The following NT5C2 variants were observed in gnomAD, a reference collection of about 807,000 sequenced individuals.
NT5C2 encodes cytosolic purine 5'-nucleotidase.
Under a neutral mutation model 76.1 loss-of-function variants are expected in NT5C2, and 58 were observed. The observed-to-expected ratio is 0.76, with a 90% CI of 0.62 to 0.95. The LOEUF (loss-of-function observed/expected upper bound fraction) is 0.95. Among genes scored for constraint, NT5C2 ranks in the 40% least tolerant of loss-of-function variants. The probability of loss-of-function intolerance (pLI) is 0.00; values close to 1 mark genes in which losing one functional copy is unlikely to be tolerated. For synonymous variants in NT5C2, 229 were observed against 237.4 expected (o/e 0.96, Z 0.32); for missense variants, 478 against 690.3 (o/e 0.69, Z 3.45).
At chr10:103,143,529 C>G (rs952574232) in intron 3 of NT5C2, among the ~76,000 whole-genome samples, 1 of 151,154 alleles carries the variant, frequency 6.6e-6, no homozygotes, top group Non-Finnish European at 1.5e-5. Flanking sequence ...CTCCCAGGCT[C>G]ATGTTATCCT....
chr10:103,091,394 G>A (rs898962927), intron 16 of NT5C2, among the ~76,000 whole-genome samples, 170 bp downstream of exon 16: 1 of 151,340 alleles, frequency 6.6e-6, no homozygotes, highest in South Asian at 2.1e-4. Flanking sequence ...CGCCCAGGCT[G>A]GAGTGCAATG....
intron 4 of NT5C2, among the ~76,000 whole-genome samples, chr10:103,128,348 G>A (rs1438267851): frequency 6.9e-6 from 1 of 144,652 alleles, no homozygotes; most frequent in African/African-American, 2.6e-5. Context: ...GATTGCAGAC[G>A]GAGTCTCCTT....
chr10:103,101,359 TA>T (rs1304840547), intron 6 of NT5C2, 33 bp from the exon 7 acceptor site: 1 of 1,169,160 alleles, frequency 8.6e-7, no homozygotes. Context: ...AACTGATTTT[TA>T]AAATAACATT....
At chr10:103,187,971 T>C (rs1198182598) in intron 1 of NT5C2, among the ~76,000 whole-genome samples, 1 of 152,226 alleles carries the variant, frequency 6.6e-6, no homozygotes. Context: ...AACAAAAGCA[T>C]GTCCTGTCCT....
intron 4 of NT5C2, among the ~76,000 whole-genome samples, chr10:103,120,199 A>G (rs1169866264): frequency 6.6e-6 from 1 of 152,168 alleles, no homozygotes; most frequent in East Asian, 1.9e-4. Flanking sequence ...AAAACATGGC[A>G]GAAAATCTTC....
chr10:103,091,528 G>A lies in NT5C2; in HGVS notation c.1211+36C>T, dbSNP rs10883830. ...TTTCTTATATCTAAGTGATTCCTGA[G>A]TAAGTTTTTGGGAAAGAAATTTTTA... On this transcript the variant is annotated intron_variant, in intron 16 of 18. Transcript: ENST00000404739. The A allele has an allele frequency of 0.3, 458,183 of 1,508,384 alleles. 71,359 individuals are homozygous for A. Among genetic ancestry groups the A allele is most frequent in the Middle Eastern group, 0.35 (1,928 of 5,588 alleles). The allele number at this position is 1,508,384 out of a possible 1,614,324, so 93.4% of individuals were successfully genotyped here.
At chr10:103,187,845 C>T (rs2092230699) in intron 1 of NT5C2, among the ~76,000 whole-genome samples, 1 of 152,070 alleles carries the variant, frequency 6.6e-6, no homozygotes, top group Non-Finnish European at 1.5e-5. Context: ...TACTACTCAT[C>T]TTTAAAGGCA....
At chr10:103,128,034 A>G (rs1396895204) in intron 4 of NT5C2, among the ~76,000 whole-genome samples, 1 of 129,192 alleles carries the variant, frequency 7.7e-6, no homozygotes, top group African/African-American at 3.0e-5. Flanking sequence ...CTGTATTTAA[A>G]ATGATCCGGT....
chr10:103,183,963 T>C (rs935646870), intron 1 of NT5C2, among the ~76,000 whole-genome samples: 1 of 151,642 alleles, frequency 6.6e-6, no homozygotes, highest in East Asian at 1.9e-4. Flanking sequence ...TTTTTTTTAG[T>C]TTTTTTGAGA....
intron 4 of NT5C2, among the ~76,000 whole-genome samples, chr10:103,115,420 AAAT>A (rs1225913012): frequency 2.0e-5 from 3 of 152,176 alleles, no homozygotes; most frequent in African/African-American, 7.2e-5. Flanking sequence ...AAAAAAAAGA[AAAT>A]AGCCTGGATG....
chr10:103,094,858 G>A (rs1028327448), intron 12 of NT5C2, among the ~76,000 whole-genome samples: 16 of 137,804 alleles, frequency 1.2e-4, no homozygotes, highest in Non-Finnish European at 1.5e-5. Flanking sequence ...CTCCAGCTTG[G>A]CAACAGAGCA....
intron 1 of NT5C2, among the ~76,000 whole-genome samples, chr10:103,182,131 A>C (rs1037097672): frequency 6.6e-6 from 1 of 152,198 alleles, no homozygotes; most frequent in Non-Finnish European, 1.5e-5. Flanking sequence ...GTCATTTTAC[A>C]TGTCTGTTTC....
At position 103,091,684 on chromosome 10, in the gene NT5C2, A is replaced by G. The variant is rs995200113; in HGVS notation, c.1160-69T>C. 28 of 1,309,796 alleles carry G rather than the reference A, an allele frequency of 2.1e-5. No homozygotes were observed. The Middle Eastern group carries it at 5.5e-4, about 26-fold the overall frequency. 81.1% of individuals were successfully genotyped at this position (1,309,796 alleles called of 1,614,324 possible). On this transcript the variant is annotated intron_variant, in intron 15 of 18. Coordinates refer to ENST00000404739, the MANE Select transcript of NT5C2 (RefSeq NM_001351169.2). ...AAGCACCTAGTTCTTAACTGCTGCT[A>G]AACTAAAAGGTTGCAGATGTGACTG... is the stretch of plus-strand genomic sequence containing the variant.
intron 1 of NT5C2, among the ~76,000 whole-genome samples, chr10:103,190,513 ATCACT>A (rs1373837447): frequency 6.6e-6 from 1 of 152,194 alleles, no homozygotes; most frequent in Non-Finnish European, 1.5e-5. Context: ...GTGTGCCAGT[ATCACT>A]TCAACTGAAT....
In NT5C2 at chr10:103,094,020, T is replaced by C; in HGVS notation, c.940A>G (p.Ile314Val). 1 of 1,613,818 alleles carries C rather than the reference T, an allele frequency of 6.2e-7. No homozygotes were observed. Among genetic ancestry groups the C allele is most frequent in the South Asian group, 1.1e-5 (1 of 91,074 alleles). The change falls in exon 14 of 19, where the codon ATT (isoleucine) becomes GTT (valine). Residue 314 changes from isoleucine to valine, a missense_variant. Ile to Val is a conservative substitution (Grantham distance 29, BLOSUM62 3). Transcript: ENST00000404739. ...QVDTKTGKLK[I>V]GTYTGPLQHG... Reference sequence around the variant, plus strand: ...TGTAGGGGCCCTGTGTAGGTACCAATTTTCAGCTTGCCAGTTTTCTGTATG... The same window carrying C: ...TGTAGGGGCCCTGTGTAGGTACCAACTTTCAGCTTGCCAGTTTTCTGTATG...
intron 4 of NT5C2, among the ~76,000 whole-genome samples, chr10:103,107,095 G>A (rs1026413254): frequency 2.9e-4 from 44 of 152,168 alleles, no homozygotes; most frequent in African/African-American, 1.0e-3. Flanking sequence ...GGTAAGGGAG[G>A]TCTATGTATG....
chr10:103,093,371 T>C, intron 14 of NT5C2, 62 bp from the exon 15 acceptor site: 3 of 1,353,530 alleles, frequency 2.2e-6, no homozygotes, highest in Non-Finnish European at 3.0e-6. Context: ...ATTCCAATAG[T>C]ATTTAACCAT....
intron 3 of NT5C2, among the ~76,000 whole-genome samples, chr10:103,163,850 A>G (rs961820813): frequency 1.5e-5 from 2 of 137,284 alleles, no homozygotes; most frequent in African/African-American, 5.4e-5. Context: ...AACCGTCTCT[A>G]CTAAAAATAC....
chr10:103,161,736 T>A (rs550877872), intron 3 of NT5C2, among the ~76,000 whole-genome samples: 3 of 151,096 alleles, frequency 2.0e-5, no homozygotes, highest in African/African-American at 2.4e-5. Context: ...AAAAAAAAAA[T>A]AATGAAAAAA....
Sources: gnomAD v4.1 joint callset for allele counts (sites outside exome capture counted in the v4.1 genomes callset) on GRCh38, gnomAD v4.1.1 for gene constraint, MANE v1.5 for transcripts, NCBI Gene and HGNC (gene_info 2026-07-23, HGNC 2026-07-21) for gene names.